ARHGAP15: variants seen among roughly 807,000 people sequenced by gnomAD.
The protein encoded by ARHGAP15 is Rho GTPase activating protein 15, also known as rho GTPase-activating protein 15.
Under a neutral mutation model 63.7 loss-of-function variants are expected in ARHGAP15, and 51 were observed. The observed-to-expected ratio is 0.80, with a 90% CI of 0.64 to 1.01. ARHGAP15 has a LOEUF of 1.01. Among genes scored for constraint, ARHGAP15 ranks in the 50% least tolerant of loss-of-function variants. ARHGAP15 has a pLI of 0.00. For missense variants in ARHGAP15, 560 were observed against 564.6 expected, an observed-to-expected ratio of 0.99 and a Z score of 0.08; for synonymous variants, 191 against 193.8, an observed-to-expected ratio of 0.99 and a Z score of 0.12.
intron 2 of ARHGAP15, among the ~76,000 whole-genome samples, chr2:143,171,743 A>G (rs1006911685): frequency 6.6e-6 from 1 of 152,156 alleles, no homozygotes; most frequent in African/African-American, 2.4e-5. Context: ...AATTCAGTCC[A>G]GGAATGGTCA....
intron 6 of ARHGAP15, among the ~76,000 whole-genome samples, chr2:143,300,482 T>C (rs941115035): frequency 5.3e-5 from 8 of 152,000 alleles, no homozygotes; most frequent in Non-Finnish European, 1.2e-4. Flanking sequence ...ATACAACAGA[T>C]GAGCCAGAAA....
intron 9 of ARHGAP15, among the ~76,000 whole-genome samples, chr2:143,500,392 T>TA (rs1157467283): frequency 6.6e-6 from 1 of 152,138 alleles, no homozygotes; most frequent in Non-Finnish European, 1.5e-5. Flanking sequence ...ATATTCATTT[T>TA]AAAAAAATTG....
intron 6 of ARHGAP15, among the ~76,000 whole-genome samples, chr2:143,341,737 A>C (rs1050555506): frequency 1.3e-5 from 2 of 152,214 alleles, no homozygotes. Context: ...TTTCCAACCA[A>C]AGACATAGTA....
At chr2:143,762,912 G>T (rs1041954738) in intron 13 of ARHGAP15, among the ~76,000 whole-genome samples, 3 of 152,006 alleles carry the variant, frequency 2.0e-5, no homozygotes, top group Admixed American at 6.6e-5. Flanking sequence ...ATGGTTTCTG[G>T]ATCAGATCCA....
Position 143,576,031 on chromosome 2 carries a change from A to C in ARHGAP15, c.1003+19546A>C, listed in dbSNP as rs532714823. Among the ~76,000 whole-genome samples the C allele has an allele frequency of 1.9e-3, 288 of 152,236 alleles. 1 individual carries two copies. Among genetic ancestry groups the C allele is most frequent in the Non-Finnish European group, 2.9e-3 (198 of 68,002 alleles). On this transcript the variant is annotated intron_variant, in intron 11 of 13. Transcript: ENST00000295095. Reference sequence around the variant, plus strand: ...TTTTATAAATAATCTAAACCGGAGGAGGTGGAACACAAACTCACTTAGGTC... The same window carrying C: ...TTTTATAAATAATCTAAACCGGAGGCGGTGGAACACAAACTCACTTAGGTC...
intron 5 of ARHGAP15, among the ~76,000 whole-genome samples, chr2:143,240,670 T>C (rs1407996865): frequency 6.6e-6 from 1 of 152,174 alleles, no homozygotes; most frequent in African/African-American, 2.4e-5. Context: ...CACCATCATA[T>C]GGCCTCATCA....
At chr2:143,174,833 T>C (rs1690948163) in intron 2 of ARHGAP15, among the ~76,000 whole-genome samples, 1 of 152,168 alleles carries the variant, frequency 6.6e-6, no homozygotes, top group African/African-American at 2.4e-5. Context: ...ATAATGACTC[T>C]ATAATGAAGT....
chr2:143,346,210 ACACT>A (rs1314611504), intron 6 of ARHGAP15, among the ~76,000 whole-genome samples: 22 of 134,166 alleles, frequency 1.6e-4, no homozygotes, highest in African/African-American at 3.0e-4. Flanking sequence ...TCTCACACAC[ACACT>A]CTCTCTCACA....
chr2:143,618,437 G>C (rs1485851582), intron 11 of ARHGAP15, among the ~76,000 whole-genome samples: 1 of 152,176 alleles, frequency 6.6e-6, no homozygotes, highest in Non-Finnish European at 1.5e-5. Context: ...GCTGGAAGCA[G>C]GGACATCATC....
intron 9 of ARHGAP15, among the ~76,000 whole-genome samples, chr2:143,507,931 C>A (rs889114197): frequency 4.0e-5 from 6 of 151,298 alleles, no homozygotes; most frequent in Non-Finnish European, 8.8e-5. Flanking sequence ...TTTCACTACC[C>A]CCCTGATGAG....
At chr2:143,211,700 G>C (rs1352196436) in intron 3 of ARHGAP15, among the ~76,000 whole-genome samples, 2 of 152,096 alleles carry the variant, frequency 1.3e-5, no homozygotes, top group African/African-American at 4.8e-5. Flanking sequence ...GCTGGGGCCT[G>C]TCTCAGCATT....
chr2:143,404,285 A>C (rs1001644546), intron 6 of ARHGAP15, among the ~76,000 whole-genome samples: 3 of 151,916 alleles, frequency 2.0e-5, no homozygotes, highest in Admixed American at 6.6e-5. Context: ...GGTAAAGACA[A>C]TGATAGTGGC....
chr2:143,596,755 G>A (rs1240199020), intron 11 of ARHGAP15, among the ~76,000 whole-genome samples: 4 of 151,874 alleles, frequency 2.6e-5, no homozygotes, highest in East Asian at 3.9e-4. Flanking sequence ...TTCATGTTGC[G>A]CTAATTAATG....
At chr2:143,255,702 AAATC>A (rs1680389107) in intron 6 of ARHGAP15, among the ~76,000 whole-genome samples, 1 of 152,164 alleles carries the variant, frequency 6.6e-6, no homozygotes, top group African/African-American at 2.4e-5. Flanking sequence ...GGTTTAAAAT[AAATC>A]CGAGCTTTTA....
intron 8 of ARHGAP15, among the ~76,000 whole-genome samples, chr2:143,476,288 AAAAT>A (rs1691811557): frequency 6.6e-6 from 1 of 152,214 alleles, no homozygotes; most frequent in African/African-American, 2.4e-5. Context: ...TCAAGTAAAA[AAAAT>A]AAATCTGGAA....
intron 9 of ARHGAP15, among the ~76,000 whole-genome samples, chr2:143,496,105 G>A (rs961922417): frequency 2.0e-5 from 3 of 151,984 alleles, no homozygotes; most frequent in African/African-American, 2.4e-5. Context: ...TCTTTATCTC[G>A]GCCTACAAGC....
chr2:143,625,489 CTGTTGTTGA>C (rs986329297), intron 12 of ARHGAP15, among the ~76,000 whole-genome samples: 21 of 152,072 alleles, frequency 1.4e-4, no homozygotes, highest in East Asian at 1.2e-3. Context: ...GCTGCTGCTG[CTGTTGTTGA>C]ATGCAGTAAC....
intron 13 of ARHGAP15, among the ~76,000 whole-genome samples, chr2:143,706,138 G>A (rs1684315178): frequency 2.0e-5 from 3 of 152,038 alleles, no homozygotes; most frequent in Admixed American, 6.6e-5. Flanking sequence ...TTATAAACTG[G>A]GTTTAATTAT....
chr2:143,657,257 G>T (rs1173536860), intron 12 of ARHGAP15, among the ~76,000 whole-genome samples: 1 of 152,164 alleles, frequency 6.6e-6, no homozygotes, highest in African/African-American at 2.4e-5. Context: ...TGAGGCAGGA[G>T]AATAGCGTGA....
Sources: allele counts gnomAD v4.1 joint callset (sites outside exome capture counted in the v4.1 genomes callset), GRCh38; gene constraint gnomAD v4.1.1; transcripts MANE v1.5; gene names NCBI Gene and HGNC (gene_info 2026-07-23, HGNC 2026-07-21).